MED14: variants seen among roughly 807,000 people sequenced by gnomAD.
The protein encoded by MED14 is mediator of RNA polymerase II transcription subunit 14.
MED14 carries 8 observed loss-of-function variants against 109.0 expected under a neutral mutation model. The ratio of observed to expected loss-of-function variants is 0.07; its 90% CI spans 0.04 to 0.13. The LOEUF is 0.13. Among genes scored for constraint, MED14 ranks in the 10% least tolerant of loss-of-function variants. The pLI is 1.00. For synonymous variants in MED14, 399 were observed against 408.7 expected (o/e 0.98, Z 0.29); for missense variants, 711 against 1,142.4 (o/e 0.62, Z 5.44).
intron 28 of MED14, among the ~76,000 whole-genome samples, chrX:40,658,470 T>C (rs1929145208): frequency 9.0e-6 from 1 of 111,026 alleles, no homozygotes; most frequent in Non-Finnish European, 1.9e-5. Context: ...TTAAAAATTA[T>C]ATGTTATAAA....
rs1006945430 is a variant in MED14 at position 40,692,228 on chromosome X, G to A, written c.1935C>T (p.Val645=). 9.9e-6 allele frequency: 12 copies of A among 1,206,890 alleles called. No homozygotes were observed. The African/African-American group carries it at 1.6e-4, about 16-fold the overall frequency. Residue 645 remains valine (V), a synonymous_variant, in exon 15 of 31, where the codon GTC becomes GTT. Coordinates refer to ENST00000324817, the MANE Select transcript of MED14 (RefSeq NM_004229.4). The part of the protein sequence containing the change: ...CAFNKVLAHF[V]AMCDTNMPFV... ...ATGGCATATTTGTATCACACATAGC[G>A]ACGAAGTGGGCTAAAACTTTATTGA...
At chrX:40,676,614 G>C (rs756948711) in intron 21 of MED14, among the ~76,000 whole-genome samples, 5 of 111,824 alleles carry the variant, frequency 4.5e-5, no homozygotes, top group Admixed American at 9.4e-5. Flanking sequence ...GTCCCCACCC[G>C]AATCTCATCT....
At chrX:40,683,911 C>T (rs1461264466) in intron 16 of MED14, among the ~76,000 whole-genome samples, 2 of 111,702 alleles carry the variant, frequency 1.8e-5, no homozygotes, top group African/African-American at 6.5e-5. Context: ...TTCCTTCTAC[C>T]GTTTTACAAA....
At position 40,703,559 on chromosome X, in the gene MED14, C is replaced by T. The variant is rs922668028; in HGVS notation, c.1296G>A (p.Glu432=). 71 of 1,173,699 alleles carry T rather than the reference C, an allele frequency of 6.0e-5. No homozygotes were observed. Among genetic ancestry groups the T allele is most frequent in the Non-Finnish European group, 8.1e-5 (71 of 873,282 alleles). ...GAACAACAAGAGCTGGGAGTGCAGT[C>T]TCTATGGAAGCTGAACAATCAAGAA... ...GFNANENSSI[E]TALPALVVPI... is the part of the protein sequence containing the mutation. The change falls in exon 11 of 31, where the codon GAG becomes GAA. Residue 432 remains glutamate (E), a synonymous_variant. Coordinates refer to ENST00000324817, the MANE Select transcript of MED14 (RefSeq NM_004229.4).
At chrX:40,708,292 G>A (rs1931222388) in intron 10 of MED14, among the ~76,000 whole-genome samples, 2 of 111,269 alleles carry the variant, frequency 1.8e-5, no homozygotes, top group South Asian at 7.5e-4. Flanking sequence ...GTTTATCTTA[G>A]ATCCCCTCTT....
chrX:40,709,327 T>C, intron 10 of MED14, 21 bp downstream of exon 10: 3 of 791,086 alleles, frequency 3.8e-6, no homozygotes, highest in Non-Finnish European at 5.3e-6. Flanking sequence ...GAAAAACAAA[T>C]GTCAATTTAA....
At position 40,651,267 on chromosome X, in the gene MED14, CTGTTT is replaced by C. The variant is rs1166460990; in HGVS notation, c.*534_*538del. On this transcript the variant is annotated 3_prime_UTR_variant, in exon 31 of 31. Coordinates refer to ENST00000324817, the MANE Select transcript of MED14 (RefSeq NM_004229.4). ...TTTATATACACACAAGTGAGTGTCA[CTGTTT>C]TGTTTTGTTTTTGACCTAGTTTTAT... 7 of 752,789 alleles carry C rather than the reference CTGTTT, an allele frequency of 9.3e-6. No individual in the cohort carries two copies. Among genetic ancestry groups the C allele is most frequent in the Middle Eastern group, 7.4e-4 (1 of 1,344 alleles). The allele number at this position is 752,789 out of a possible 1,213,427, so 62.0% of individuals were successfully genotyped here. A position where few individuals can be genotyped will look rare whatever the true frequency, so the allele number is the denominator to read the frequency against.
intron 28 of MED14, among the ~76,000 whole-genome samples, chrX:40,658,745 C>CA (rs1929161751): frequency 9.5e-6 from 1 of 104,864 alleles, no homozygotes; most frequent in Non-Finnish European, 2.0e-5. Context: ...CACCTGTAGT[C>CA]CCAACTACTC....
At chrX:40,720,761 A>C (rs1185811948) in intron 3 of MED14, among the ~76,000 whole-genome samples, 2 of 108,737 alleles carry the variant, frequency 1.8e-5, no homozygotes, top group African/African-American at 6.7e-5. Context: ...TGAGGAGAGG[A>C]GAGCAAAGAG....
Position 40,649,541 on chromosome X carries a change from A to G in MED14, c.*2265T>C. ...CATCAAAATTAACTAGAGAGTTGGT[A>G]GTTCTCTGAAACTTTGTATAAATTT... On this transcript the variant is annotated 3_prime_UTR_variant, in exon 31 of 31. Transcript: ENST00000324817. 1.3e-6 allele frequency: 1 copy of G among 743,704 alleles called. No individual in the cohort carries two copies. Among genetic ancestry groups the G allele is most frequent in the Non-Finnish European group, 1.7e-6 (1 of 573,477 alleles). 61.3% of individuals were successfully genotyped at this position (743,704 alleles called of 1,213,427 possible).
At position 40,664,344 on chromosome X, in the gene MED14, C is replaced by A. The variant is rs767967892; in HGVS notation, c.3411G>T (p.Pro1137=). 3 of 1,204,583 alleles carry A rather than the reference C, an allele frequency of 2.5e-6. No individual in the cohort carries two copies. The highest frequency in any genetic ancestry group is 3.4e-6 in the Non-Finnish European group (3 of 892,929). ...MSPANPSLHS[P]VPDASHSPRA... ...GAGGGGAATGAGAAGCATCTGGAAC[C>A]GGAGAATGTAGTGAGGGGTTGGCTG... The change falls in exon 25 of 31, where the codon CCG becomes CCT. Residue 1137 remains proline (P), a synonymous_variant. Transcript: ENST00000324817.
chrX:40,716,589 C>CA (rs34253902), intron 3 of MED14, among the ~76,000 whole-genome samples: 6,739 of 68,218 alleles, frequency 0.099, 564 homozygotes, highest in African/African-American at 0.25. Context: ...GACCCTGTCT[C>CA]AAAAAAAAAA....
intron 7 of MED14, 80 bp from the exon 8 acceptor site, chrX:40,711,381 T>C: frequency 1.2e-6 from 1 of 821,291 alleles, no homozygotes; most frequent in Non-Finnish European, 1.7e-6. Flanking sequence ...TAAGGAAGGT[T>C]CTCTTATTGA....
At chrX:40,656,351 G>A (rs903373350) in intron 28 of MED14, among the ~76,000 whole-genome samples, 8 of 111,863 alleles carry the variant, frequency 7.2e-5, no homozygotes, top group African/African-American at 2.3e-4. Flanking sequence ...GGCTAACTTC[G>A]CTAATGTACA....
intron 30 of MED14, among the ~76,000 whole-genome samples, chrX:40,652,284 C>T (rs781757754): frequency 1.8e-5 from 2 of 111,562 alleles, no homozygotes; most frequent in African/African-American, 3.2e-5. Context: ...ATCTTTCAAA[C>T]GTTGCATTAA....
intron 19 of MED14, 107 bp from the exon 20 acceptor site, chrX:40,681,017 A>AT (rs915902141): frequency 2.7e-4 from 150 of 559,019 alleles, no homozygotes; most frequent in Non-Finnish European, 3.2e-4. Flanking sequence ...TCTAAATGGA[A>AT]TTTTTTTTTG....
chrX:40,680,020 T>C lies in MED14; in HGVS notation c.2724A>G (p.Pro908=), dbSNP rs1930056808. Residue 908 remains proline, a synonymous_variant, in exon 21 of 31, where the codon CCA becomes CCG. Coordinates refer to ENST00000324817, the MANE Select transcript of MED14 (RefSeq NM_004229.4). The stretch of plus-strand genomic sequence containing the variant: ...CCAGTCTGATGTGGGTGGACGACTG[T>C]GGCAGAATGGAGAAGCACTGGTAGG... ...NTAYQCFSIL[P]QSSTHIRLAF... The C allele has an allele frequency of 8.3e-7, 1 of 1,210,748 alleles. No homozygotes were observed. Among genetic ancestry groups the C allele is most frequent in the Non-Finnish European group, 1.1e-6 (1 of 894,510 alleles).
At chrX:40,660,823 A>G (rs765104738) in intron 26 of MED14, among the ~76,000 whole-genome samples, 1 of 113,254 alleles carries the variant, frequency 8.8e-6, no homozygotes, top group South Asian at 3.6e-4. Context: ...TAATTTATTC[A>G]AAAACGTTTC....
chrX:40,713,646 T>C, intron 5 of MED14, 132 bp downstream of exon 5: 1 of 655,803 alleles, frequency 1.5e-6, no homozygotes, highest in Non-Finnish European at 2.3e-6. Context: ...TTTCACCATG[T>C]TGGCCAGGCT....
Sources: allele counts gnomAD v4.1 joint callset (sites outside exome capture counted in the v4.1 genomes callset), GRCh38; gene constraint gnomAD v4.1.1; transcripts MANE v1.5; gene names NCBI Gene and HGNC (gene_info 2026-07-23, HGNC 2026-07-21).